The following POLR1A variants were observed in gnomAD, a reference collection of about 807,000 sequenced individuals.
POLR1A encodes RNA polymerase I subunit A, also known as DNA-directed RNA polymerase I subunit RPA1.
Under a neutral mutation model 205.3 loss-of-function variants are expected in POLR1A, and 84 were observed. That is an observed-to-expected ratio of 0.41 (90% confidence interval 0.34 to 0.49). POLR1A has a LOEUF of 0.49. Among genes scored for constraint, POLR1A ranks in the 20% least tolerant of loss-of-function variants. POLR1A has a pLI of 0.22. For missense variants in POLR1A, 1,645 were observed against 2,204.5 expected (o/e 0.75, Z 5.08); for synonymous variants, 799 against 863.7 (o/e 0.93, Z 1.31).
At chr2:86,047,567 G>T (rs146790824) in intron 18 of POLR1A, among the ~76,000 whole-genome samples, 1 of 152,210 alleles carries the variant, frequency 6.6e-6, no homozygotes, top group Non-Finnish European at 1.5e-5. Context: ...TAGAGGGGCT[G>T]GCAGATCCAG....
chr2:86,069,983 C>G (rs192408196), intron 13 of POLR1A, 35 bp downstream of exon 13: 8 of 1,595,786 alleles, frequency 5.0e-6, no homozygotes, highest in African/African-American at 1.3e-5. Flanking sequence ...GTCATGCTGA[C>G]GATGACCACG....
chr2:86,071,403 G>A (rs1204477698), intron 12 of POLR1A, among the ~76,000 whole-genome samples: 2 of 151,926 alleles, frequency 1.3e-5, no homozygotes, highest in African/African-American at 2.4e-5. Context: ...CGATCTTCCC[G>A]CCTTGGCCTC....
chr2:86,050,119 C>T (rs536848821), intron 16 of POLR1A, among the ~76,000 whole-genome samples: 1 of 152,052 alleles, frequency 6.6e-6, no homozygotes, highest in East Asian at 1.9e-4. Context: ...GGTTTCACCA[C>T]GTTGGCCAGG....
chr2:86,038,633 C>A, intron 27 of POLR1A, 67 bp downstream of exon 27: 1 of 1,506,152 alleles, frequency 6.6e-7, no homozygotes, highest in Non-Finnish European at 9.2e-7. Context: ...TGGCTAGGTG[C>A]TTCCTGCCCC....
chr2:86,044,221 A>C lies in POLR1A; in HGVS notation c.3053T>G (p.Leu1018Arg). 1 of 1,614,152 alleles carries C rather than the reference A, an allele frequency of 6.2e-7. No homozygotes were observed. The highest frequency in any genetic ancestry group is 8.5e-7 in the Non-Finnish European group (1 of 1,180,008). ...RDSDGSVVQF[L>R]YGEDGLDIPK... ...GATGTCCAGGCCATCCTCCCCATAC[A>C]GGAACTGCACCACACTGCCGTCACT... The change falls in exon 22 of 34, where the codon CTG becomes CGG. Residue 1018 changes from leucine to arginine, a missense_variant. This residue lies in a region of POLR1A where 3 missense variants were observed against 17.5 expected (regional missense o/e 0.17). Transcript: ENST00000263857.
chr2:86,093,217 T>C (rs1018613743), intron 3 of POLR1A, among the ~76,000 whole-genome samples: 8 of 152,372 alleles, frequency 5.3e-5, no homozygotes, highest in African/African-American at 1.9e-4. Flanking sequence ...AAAAGCTCAG[T>C]AAACACCATA....
intron 6 of POLR1A, among the ~76,000 whole-genome samples, chr2:86,084,074 T>C (rs768137574): frequency 2.6e-5 from 4 of 152,216 alleles, no homozygotes; most frequent in Non-Finnish European, 4.4e-5. Flanking sequence ...GAGACCAGCC[T>C]GGCCAACACA....
In POLR1A at chr2:86,093,064, T is replaced by C. The variant is rs149006059; in HGVS notation, c.433-3135A>G. ...GGTTAATTTAACATTAGGAAAGGAATGGAGTCATTCACCATGTTAGCTGGT... is the reference window on the plus strand; with the variant it reads ...GGTTAATTTAACATTAGGAAAGGAACGGAGTCATTCACCATGTTAGCTGGT... On this transcript the variant is annotated intron_variant, in intron 3 of 33. Coordinates refer to ENST00000263857, the MANE Select transcript of POLR1A (RefSeq NM_015425.6). Among the ~76,000 whole-genome samples the C allele has an allele frequency of 3.5e-3, 534 of 152,324 alleles. 9 individuals are homozygous for C. The highest frequency in any genetic ancestry group is 0.012 in the African/African-American group (516 of 41,576).
chr2:86,037,564 A>G (rs749004070), intron 27 of POLR1A, among the ~76,000 whole-genome samples: 3 of 152,256 alleles, frequency 2.0e-5, no homozygotes, highest in Non-Finnish European at 4.4e-5. Context: ...GGCTGAGTGC[A>G]GGGAGCTTTC....
chr2:86,068,213 C>CAA (rs1262331151), intron 13 of POLR1A, among the ~76,000 whole-genome samples: 1 of 152,124 alleles, frequency 6.6e-6, no homozygotes, highest in Non-Finnish European at 1.5e-5. Context: ...ACTCTGCCAG[C>CAA]AAAAAACCAT....
At chr2:86,073,258 T>C (rs550201117) in intron 12 of POLR1A, among the ~76,000 whole-genome samples, 14 of 151,300 alleles carry the variant, frequency 9.3e-5, no homozygotes, top group African/African-American at 1.5e-4. Flanking sequence ...CAGACTACAG[T>C]CCTCAGGCTG....
chr2:86,033,001 C>A lies in POLR1A; in HGVS notation c.4162-619G>T, dbSNP rs1461132803. ...AAGACAGACCCAGAGAAGGGTGACA[C>A]AACTGAGACCACAGAGCTGGTTGGG... On this transcript the variant is annotated intron_variant, in intron 28 of 33. Transcript: ENST00000263857. Among the ~76,000 whole-genome samples, 3 of 152,208 alleles carry A rather than the reference C, an allele frequency of 2.0e-5. No individual in the cohort carries two copies. In the East Asian group the frequency reaches 5.8e-4, roughly 29 times the overall value.
At chr2:86,041,149 CTGTGTGTGTGTGTGTGTGTGTGTG>C (rs756415592) in intron 24 of POLR1A, among the ~76,000 whole-genome samples, 1 of 122,270 alleles carries the variant, frequency 8.2e-6, no homozygotes, top group Non-Finnish European at 1.7e-5. Context: ...CTGAGCTACA[CTGTGTGTGTGTGTGTGTGTGTGTG>C]TGTGTGTGTG....
intron 11 of POLR1A, 36 bp from the exon 12 acceptor site, chr2:86,075,296 G>T: frequency 6.8e-7 from 1 of 1,476,814 alleles, no homozygotes; most frequent in South Asian, 1.2e-5. Context: ...ATTCAGGGCA[G>T]GGATAAAAAA....
chr2:86,098,119 C>T (rs1673740850), intron 3 of POLR1A, among the ~76,000 whole-genome samples: 1 of 152,146 alleles, frequency 6.6e-6, no homozygotes, highest in African/African-American at 2.4e-5. Context: ...TAAAATGATG[C>T]AATACAAAGT....
intron 13 of POLR1A, 23 bp from the exon 14 acceptor site, chr2:86,065,488 C>T (rs1199418072): frequency 1.5e-5 from 24 of 1,594,150 alleles, no homozygotes; most frequent in Non-Finnish European, 2.1e-5. Context: ...ACAGACAACA[C>T]AAGAAGAATG....
At chr2:86,097,761 G>C (rs977599025) in intron 3 of POLR1A, among the ~76,000 whole-genome samples, 1 of 152,018 alleles carries the variant, frequency 6.6e-6, no homozygotes, top group Non-Finnish European at 1.5e-5. Context: ...GAGGGGAACA[G>C]GAAGAGATTT....
At chr2:86,047,727 T>A (rs527585358) in intron 18 of POLR1A, among the ~76,000 whole-genome samples, 1 of 152,268 alleles carries the variant, frequency 6.6e-6, no homozygotes, top group Non-Finnish European at 1.5e-5. Context: ...AAGCCCCATG[T>A]AGGAAGCTCT....
At chr2:86,064,385 C>T (rs1006604393) in intron 14 of POLR1A, among the ~76,000 whole-genome samples, 2 of 152,162 alleles carry the variant, frequency 1.3e-5, no homozygotes, top group Non-Finnish European at 2.9e-5. Flanking sequence ...CTTGGATACT[C>T]AGGCAACAGC....
Sources: allele counts gnomAD v4.1 joint callset (sites outside exome capture counted in the v4.1 genomes callset), GRCh38; gene constraint gnomAD v4.1.1; regional missense constraint gnomAD v4.1.1; transcripts MANE v1.5; gene names NCBI Gene and HGNC (gene_info 2026-07-23, HGNC 2026-07-21).